FBXO32: variants seen among roughly 807,000 people sequenced by gnomAD.
The protein encoded by FBXO32 is F-box only protein 32.
A neutral mutation model predicts 48.3 loss-of-function variants in FBXO32; 15 were observed. The observed-to-expected ratio is 0.31, with a 90% CI of 0.21 to 0.48. The LOEUF is 0.48. FBXO32 is among the 20% of genes least tolerant of loss of function. The pLI, the probability that FBXO32 is intolerant of heterozygous loss-of-function variation, is 0.99. For missense variants in FBXO32, 309 were observed against 432.7 expected, an observed-to-expected ratio of 0.71 and a Z score of 2.54; for synonymous variants, 154 against 165.9, an observed-to-expected ratio of 0.93 and a Z score of 0.55.
At chr8:123,508,813 G>A (rs1156931652) in intron 6 of FBXO32, among the ~76,000 whole-genome samples, 1 of 152,062 alleles carries the variant, frequency 6.6e-6, no homozygotes, top group Non-Finnish European at 1.5e-5. Flanking sequence ...CCTATTAAAG[G>A]CAAGTCCACT....
Position 123,541,130 on chromosome 8 carries a change from G to A in FBXO32, c.-116C>T. ...GGGCCCGCGACGGGGGCGGCGGGGC[G>A]GCGGGAACGGCGCGGGGCACCCTGC... is the stretch of plus-strand genomic sequence containing the variant. On this transcript the variant is annotated 5_prime_UTR_variant, in exon 1 of 9. Coordinates refer to ENST00000517956, the MANE Select transcript of FBXO32 (RefSeq NM_058229.4). 1 of 510,918 alleles carries A rather than the reference G, an allele frequency of 2.0e-6. No individual in the cohort carries two copies. Among genetic ancestry groups the A allele is most frequent in the Non-Finnish European group, 3.1e-6 (1 of 319,950 alleles). The allele number at this position is 510,918 out of a possible 1,614,324, so 31.6% of individuals were successfully genotyped here.
At chr8:123,512,735 G>C (rs910627112) in intron 6 of FBXO32, among the ~76,000 whole-genome samples, 1 of 152,026 alleles carries the variant, frequency 6.6e-6, no homozygotes, top group South Asian at 2.1e-4. Context: ...TTAATCAAAG[G>C]CTTCCTTTGT....
intron 7 of FBXO32, 87 bp from the exon 8 acceptor site, chr8:123,504,834 T>A: frequency 1.5e-6 from 2 of 1,318,700 alleles, no homozygotes; most frequent in Non-Finnish European, 2.1e-6. Context: ...AGGTTTACTC[T>A]CACCCTTTCC....
chr8:123,533,179 TG>T lies in FBXO32; in HGVS notation c.279+11del. ...GGTTCAGTATAACTTAGTAAATGAA[TG>T]GGATGCTCACCTCTTTAGTACTTCC... On this transcript the variant is annotated intron_variant, in intron 3 of 8. Transcript: ENST00000517956. 2 of 1,605,994 alleles carry T rather than the reference TG, an allele frequency of 1.2e-6. No homozygotes were observed. Among genetic ancestry groups the T allele is most frequent in the Non-Finnish European group, 1.7e-6 (2 of 1,172,640 alleles).
In FBXO32 at chr8:123,502,370, T is replaced by C. The variant is rs1394738623; in HGVS notation, c.*1003A>G. 1 of 152,270 alleles carries C rather than the reference T, an allele frequency of 6.6e-6. No homozygotes were observed. 9.4% of individuals were successfully genotyped at this position (152,270 alleles called of 1,614,324 possible). On this transcript the variant is annotated 3_prime_UTR_variant, in exon 9 of 9. Coordinates refer to ENST00000517956, the MANE Select transcript of FBXO32 (RefSeq NM_058229.4). ...GAAGTTCAGCAGGAATAAGGAAGTC[T>C]TCACAGCTATTGATTGGGTGACCAA...
rs982128889 is a variant in FBXO32, at chr8:123,513,927, G to A, written c.466+313C>T. 1.4e-5 allele frequency: 4 copies of A among 286,154 alleles called. No individual in the cohort carries two copies. Among genetic ancestry groups the A allele is most frequent in the Admixed American group, 4.9e-5 (1 of 20,454 alleles). 17.7% of individuals were successfully genotyped at this position (286,154 alleles called of 1,614,324 possible). On this transcript the variant is annotated intron_variant, in intron 5 of 8. Transcript: ENST00000517956. This position sits in a 1 kb window ranked among gnomAD's most constrained non-coding sequence, Gnocchi z 4.3. ...ACTTTGTACACATGTCGATTTTCTA[G>A]GAATTTGGGACCCGGAGGCTCGGTA...
chr8:123,512,694 C>T (rs986215691), intron 6 of FBXO32, among the ~76,000 whole-genome samples: 1 of 152,098 alleles, frequency 6.6e-6, no homozygotes, highest in Non-Finnish European at 1.5e-5. Context: ...GAGAATTGCT[C>T]ATCATTTTCC....
rs941420496 is a variant in FBXO32 at position 123,499,815 on chromosome 8, A to G, written c.*3558T>C. ...GTTAGTAGCAAGCTCCTCATGGGAA[A>G]GGGTATGTGAATCCACAAAGACGAG... is the stretch of plus-strand genomic sequence containing the variant. On this transcript the variant is annotated 3_prime_UTR_variant, in exon 9 of 9. Coordinates refer to ENST00000517956, the MANE Select transcript of FBXO32 (RefSeq NM_058229.4). 2.0e-5 allele frequency: 3 copies of G among 152,246 alleles called. No individual in the cohort carries two copies. The highest frequency in any genetic ancestry group is 7.2e-5 in the African/African-American group (3 of 41,458). The allele number at this position is 152,246 out of a possible 1,614,324, so 9.4% of individuals were successfully genotyped here.
chr8:123,505,041 T>C (rs1373331406), intron 7 of FBXO32, among the ~76,000 whole-genome samples: 1 of 152,200 alleles, frequency 6.6e-6, no homozygotes, highest in Non-Finnish European at 1.5e-5. Flanking sequence ...CCTTTAAAGT[T>C]TAGGTGATCT....
rs1358578101 is a variant in FBXO32 at position 123,501,403 on chromosome 8, T to G, written c.*1970A>C. ...AAAAAACAAAACAAAACACACACCTTAGATAGAATAATGGTTCGTGACCTT... is the reference window on the plus strand; with the variant it reads ...AAAAAACAAAACAAAACACACACCTGAGATAGAATAATGGTTCGTGACCTT... On this transcript the variant is annotated 3_prime_UTR_variant, in exon 9 of 9. Coordinates refer to ENST00000517956, the MANE Select transcript of FBXO32 (RefSeq NM_058229.4). 3 of 131,780 alleles carry G rather than the reference T, an allele frequency of 2.3e-5. No individual in the cohort carries two copies. Among genetic ancestry groups the G allele is most frequent in the African/African-American group, 7.9e-5 (3 of 37,808 alleles). 8.2% of individuals were successfully genotyped at this position (131,780 alleles called of 1,614,324 possible). A position where few individuals can be genotyped will look rare whatever the true frequency, so the allele number is the denominator to read the frequency against.
At position 123,533,338 on chromosome 8, in the gene FBXO32, CA is replaced by C. The variant is rs1341230429; in HGVS notation, c.230-99del. Reference sequence around the variant, plus strand: ...TATTCCAAAGTTTTAAAAGTTTTGACAAAAAAGATAAGGAGTCTACTGACAA... The same window carrying C: ...TATTCCAAAGTTTTAAAAGTTTTGACAAAAAGATAAGGAGTCTACTGACAA... On this transcript the variant is annotated intron_variant, in intron 2 of 8. Transcript: ENST00000517956. 5.7e-6 allele frequency: 6 copies of C among 1,050,592 alleles called. No homozygotes were observed. The East Asian group carries it at 1.5e-4, about 27-fold the overall frequency. 65.1% of individuals were successfully genotyped at this position (1,050,592 alleles called of 1,614,324 possible). A position where few individuals can be genotyped will look rare whatever the true frequency, so the allele number is the denominator to read the frequency against.
chr8:123,540,833 C>G lies in FBXO32; in HGVS notation c.116+66G>C. 9.4e-6 allele frequency: 13 copies of G among 1,381,758 alleles called. No homozygotes were observed. Among genetic ancestry groups the G allele is most frequent in the Admixed American group, 1.9e-5 (1 of 53,642 alleles). 85.6% of individuals were successfully genotyped at this position (1,381,758 alleles called of 1,614,324 possible). ...CCTGCCTGCCCCTCATTCGCCGTCC[C>G]TGCGCCCCCCAGACCAGCCCGGGTC... is the stretch of plus-strand genomic sequence containing the variant. On this transcript the variant is annotated intron_variant, in intron 1 of 8. Transcript: ENST00000517956. This position sits in a 1 kb window ranked among gnomAD's most constrained non-coding sequence, Gnocchi z 6.4.
At chr8:123,516,093 G>A (rs1044331457) in intron 4 of FBXO32, among the ~76,000 whole-genome samples, 5 of 152,206 alleles carry the variant, frequency 3.3e-5, no homozygotes, top group Admixed American at 3.3e-4. Flanking sequence ...CTTAACAGAT[G>A]AGCAAAGCGA....
chr8:123,519,769 G>C (rs1050460945), intron 4 of FBXO32, among the ~76,000 whole-genome samples: 4 of 151,970 alleles, frequency 2.6e-5, no homozygotes, highest in Non-Finnish European at 5.9e-5. Flanking sequence ...GTAGTGAAGA[G>C]AGCAGAATTT....
chr8:123,529,409 C>G (rs1817154699), intron 4 of FBXO32, among the ~76,000 whole-genome samples: 1 of 152,190 alleles, frequency 6.6e-6, no homozygotes, highest in Admixed American at 6.5e-5. Context: ...ACATTAGCGG[C>G]TGACTTTGCA....
chr8:123,511,487 T>TTG (rs953599065), intron 6 of FBXO32, among the ~76,000 whole-genome samples: 15 of 151,548 alleles, frequency 9.9e-5, no homozygotes, highest in African/African-American at 3.1e-4. Flanking sequence ...TTTGTTTTTT[T>TTG]TTTTTTTCCT....
At chr8:123,504,571 G>T (rs1430643574) in intron 8 of FBXO32, 33 bp downstream of exon 8, 2 of 1,597,842 alleles carry the variant, frequency 1.3e-6, no homozygotes, top group Non-Finnish European at 1.7e-6. Context: ...GGCTGGGCTG[G>T]GGGTCTGTGG....
At chr8:123,503,742 C>A (rs1816550173) in intron 8 of FBXO32, among the ~76,000 whole-genome samples, 1 of 152,082 alleles carries the variant, frequency 6.6e-6, no homozygotes, top group South Asian at 2.1e-4. Flanking sequence ...GGAATAAGAC[C>A]TGCTGTTAGA....
intron 6 of FBXO32, among the ~76,000 whole-genome samples, chr8:123,510,967 G>T (rs1366787394): frequency 6.6e-6 from 1 of 152,256 alleles, no homozygotes; most frequent in Non-Finnish European, 1.5e-5. Flanking sequence ...AAGCCCTGAG[G>T]CAGGGCCAAG....
Sources: gnomAD v4.1 joint callset for allele counts (sites outside exome capture counted in the v4.1 genomes callset) on GRCh38, gnomAD v4.1.1 for gene constraint, Gnocchi (gnomAD v3.1) non-coding constraint, MANE v1.5 for transcripts, NCBI Gene and HGNC (gene_info 2026-07-23, HGNC 2026-07-21) for gene names.